MAN1A2: variants seen among roughly 807,000 people sequenced by gnomAD.
MAN1A2 encodes mannosyl-oligosaccharide 1,2-alpha-mannosidase IB.
Under a neutral mutation model 75.7 loss-of-function variants are expected in MAN1A2, and 26 were observed. The ratio of observed to expected loss-of-function variants is 0.34; its 90% CI spans 0.25 to 0.48. MAN1A2 has a LOEUF of 0.48. Among genes scored for constraint, MAN1A2 ranks in the 20% least tolerant of loss-of-function variants. MAN1A2 has a pLI of 0.99. For synonymous variants in MAN1A2, 247 were observed against 264.6 expected, an observed-to-expected ratio of 0.93 and a Z score of 0.65; for missense variants, 562 against 775.5, an observed-to-expected ratio of 0.72 and a Z score of 3.27.
At chr1:117,451,956 C>T (rs1649431430) in intron 6 of MAN1A2, among the ~76,000 whole-genome samples, 1 of 151,928 alleles carries the variant, frequency 6.6e-6, no homozygotes, top group African/African-American at 2.4e-5. Flanking sequence ...CCACTGCACT[C>T]CAGCCTGGGG....
At chr1:117,517,385 A>C (rs1032608222) in intron 12 of MAN1A2, among the ~76,000 whole-genome samples, 1 of 151,644 alleles carries the variant, frequency 6.6e-6, no homozygotes, top group Non-Finnish European at 1.5e-5. Context: ...AGACAATGAC[A>C]GTTAAAATAT....
chr1:117,445,774 T>A (rs2101817283), intron 6 of MAN1A2, among the ~76,000 whole-genome samples: 1 of 150,582 alleles, frequency 6.6e-6, no homozygotes, highest in South Asian at 2.1e-4. Flanking sequence ...TGATCCTCCC[T>A]CCTTGGCCTC....
At chr1:117,502,993 T>C (rs1364194157) in intron 12 of MAN1A2, 23 bp downstream of exon 12, 1 of 1,296,540 alleles carries the variant, frequency 7.7e-7, no homozygotes, top group Non-Finnish European at 1.1e-6. Context: ...CTTTAAAAAA[T>C]ATTTTTATAC....
chr1:117,487,425 A>T (rs1650747495), intron 8 of MAN1A2, among the ~76,000 whole-genome samples: 1 of 151,982 alleles, frequency 6.6e-6, no homozygotes, highest in African/African-American at 2.4e-5. Context: ...ACAATAAATG[A>T]TTAGGGAAAG....
chr1:117,367,543 GGCA>G lies in MAN1A2; in HGVS notation c.-635_-633del, dbSNP rs1203120533. 1.3e-5 allele frequency: 2 copies of G among 152,486 alleles called. No individual in the cohort carries two copies. The highest frequency in any genetic ancestry group is 4.8e-5 in the African/African-American group (2 of 41,442). The allele number at this position is 152,486 out of a possible 1,614,324, so 9.4% of individuals were successfully genotyped here. A position where few individuals can be genotyped will look rare whatever the true frequency, so the allele number is the denominator to read the frequency against. On this transcript the variant is annotated 5_prime_UTR_variant, in exon 1 of 13. Transcript: ENST00000356554. ...TGCCCTTCGCGCCAGCCGTCGAGTG[GGCA>G]GCAGCGGGACTCAGCCGGGCGCCAG...
intron 1 of MAN1A2, among the ~76,000 whole-genome samples, chr1:117,381,454 C>T (rs1269432157): frequency 2.0e-5 from 3 of 152,018 alleles, no homozygotes; most frequent in African/African-American, 4.8e-5. Context: ...TTTGTCTTTG[C>T]GATAGTTTAC....
At chr1:117,520,943 C>G (rs1000620248) in intron 12 of MAN1A2, among the ~76,000 whole-genome samples, 1 of 152,094 alleles carries the variant, frequency 6.6e-6, no homozygotes, top group African/African-American at 2.4e-5. Context: ...GTCACCAAAA[C>G]AGCATGATAC....
chr1:117,372,014 A>G (rs1350960641), intron 1 of MAN1A2, among the ~76,000 whole-genome samples: 1 of 152,234 alleles, frequency 6.6e-6, no homozygotes, highest in South Asian at 2.1e-4. Flanking sequence ...TGCAAATTCT[A>G]GTCAGGATTC....
At chr1:117,439,246 T>C (rs931563899) in intron 5 of MAN1A2, among the ~76,000 whole-genome samples, 8 of 152,176 alleles carry the variant, frequency 5.3e-5, no homozygotes, top group Admixed American at 3.9e-4. Context: ...ATCTTTGATA[T>C]AGGTATATAC....
chr1:117,463,291 C>T (rs909852023), intron 7 of MAN1A2, among the ~76,000 whole-genome samples: 9 of 151,922 alleles, frequency 5.9e-5, no homozygotes, highest in African/African-American at 1.5e-4. Context: ...TGCTTCCTAC[C>T]GTATCCTGAA....
chr1:117,457,814 T>C (rs1649653164), intron 6 of MAN1A2, among the ~76,000 whole-genome samples: 1 of 152,180 alleles, frequency 6.6e-6, no homozygotes, highest in South Asian at 2.1e-4. Flanking sequence ...AATTTTACCA[T>C]GGCCTACAAA....
chr1:117,378,414 C>A (rs1653226382), intron 1 of MAN1A2, among the ~76,000 whole-genome samples: 1 of 152,108 alleles, frequency 6.6e-6, no homozygotes, highest in Non-Finnish European at 1.5e-5. Context: ...TTTACAATTT[C>A]ACTTTTGGGC....
intron 8 of MAN1A2, among the ~76,000 whole-genome samples, chr1:117,492,384 A>AT (rs757268090): frequency 2.0e-5 from 3 of 152,230 alleles, no homozygotes; most frequent in East Asian, 3.9e-4. Context: ...GATCATTTGC[A>AT]TTTTTAGCAA....
intron 8 of MAN1A2, among the ~76,000 whole-genome samples, chr1:117,491,712 G>A (rs1650887612): frequency 6.6e-6 from 1 of 152,026 alleles, no homozygotes; most frequent in South Asian, 2.1e-4. Flanking sequence ...GAAAACCTTC[G>A]GGAAAGGAGT....
chr1:117,435,621 G>T (rs1648822794), intron 5 of MAN1A2, among the ~76,000 whole-genome samples: 1 of 152,070 alleles, frequency 6.6e-6, no homozygotes, highest in Non-Finnish European at 1.5e-5. Flanking sequence ...CTACTTAATT[G>T]TATGTTATGT....
At chr1:117,505,923 G>A (rs1446756824) in intron 12 of MAN1A2, among the ~76,000 whole-genome samples, 2 of 151,306 alleles carry the variant, frequency 1.3e-5, no homozygotes, top group Admixed American at 1.3e-4. Flanking sequence ...AATGGTAATG[G>A]TAAATATTTT....
chr1:117,450,864 G>A (rs920849380), intron 6 of MAN1A2, among the ~76,000 whole-genome samples: 1 of 152,222 alleles, frequency 6.6e-6, no homozygotes, highest in Non-Finnish European at 1.5e-5. Flanking sequence ...CCAGGTAGAA[G>A]TTTGCTGCAG....
chr1:117,402,948 G>C (rs1260025003), intron 2 of MAN1A2, among the ~76,000 whole-genome samples: 1 of 152,008 alleles, frequency 6.6e-6, no homozygotes, highest in Non-Finnish European at 1.5e-5. Flanking sequence ...AAATGGGAAA[G>C]AATTGATTTC....
chr1:117,384,215 A>G (rs1653445894), intron 1 of MAN1A2, among the ~76,000 whole-genome samples: 1 of 152,004 alleles, frequency 6.6e-6, no homozygotes, highest in Non-Finnish European at 1.5e-5. Flanking sequence ...AGTTGTAAAG[A>G]TTATTGATTT....
Sources: allele counts gnomAD v4.1 joint callset (sites outside exome capture counted in the v4.1 genomes callset), GRCh38; gene constraint gnomAD v4.1.1; transcripts MANE v1.5; gene names NCBI Gene and HGNC (gene_info 2026-07-23, HGNC 2026-07-21).